The following ADAMTS20 variants were observed in gnomAD, a reference collection of about 807,000 sequenced individuals.
The protein encoded by ADAMTS20 is ADAM metallopeptidase with thrombospondin type 1 motif 20, also known as A disintegrin and metalloproteinase with thrombospondin motifs 20.
A neutral mutation model predicts 260.1 loss-of-function variants in ADAMTS20; 225 were observed. The ratio of observed to expected loss-of-function variants is 0.87; its 90% CI spans 0.78 to 0.97. ADAMTS20 has a LOEUF of 0.97. Ranked by LOEUF, ADAMTS20 falls within the 50% of genes least tolerant of loss-of-function variation. The probability of loss-of-function intolerance (pLI) is 0.00; values close to 1 mark genes in which losing one functional copy is unlikely to be tolerated. For missense variants in ADAMTS20, 2,400 were observed against 2,337.7 expected (o/e 1.03, Z -0.55); for synonymous variants, 802 against 769.5 (o/e 1.04, Z -0.70).
rs372886547 is a variant in ADAMTS20, at chr12:43,471,392, G to T, written c.1118-2687C>A. 1.2e-4 allele frequency among the ~76,000 whole-genome samples: 15 copies of T among 124,018 alleles called. No individual in the cohort carries two copies. The East Asian group carries it at 3.7e-3, about 31-fold the overall frequency. 81.4% of individuals were successfully genotyped at this position (124,018 alleles called of 152,430 possible). On this transcript the variant is annotated intron_variant, in intron 7 of 38. Transcript: ENST00000389420. ...GCAGTCTGAGATCAAACTGCAAGGC[G>T]GCAGCGAGGCTGGGGGAGGGGCGCC...
intron 7 of ADAMTS20, among the ~76,000 whole-genome samples, chr12:43,478,914 C>T (rs1162011365): frequency 6.6e-6 from 1 of 152,136 alleles, no homozygotes; most frequent in African/African-American, 2.4e-5. Context: ...GTACCCTGGG[C>T]ACCTCATACT....
At chr12:43,374,862 G>C (rs1940186672) in intron 36 of ADAMTS20, among the ~76,000 whole-genome samples, 1 of 152,078 alleles carries the variant, frequency 6.6e-6, no homozygotes, top group Non-Finnish European at 1.5e-5. Flanking sequence ...ACTTGTTACT[G>C]TCATTACATT....
chr12:43,377,743 A>G (rs1324512539), intron 31 of ADAMTS20, among the ~76,000 whole-genome samples, 181 bp from the exon 32 acceptor site: 6 of 152,134 alleles, frequency 3.9e-5, no homozygotes, highest in Admixed American at 3.3e-4. Flanking sequence ...GAGTTGTACC[A>G]ATAAAGGAAA....
chr12:43,551,639 T>A lies in ADAMTS20; in HGVS notation c.91+192A>T, dbSNP rs1943518871. 6.6e-6 allele frequency among the ~76,000 whole-genome samples: 1 copy of A among 152,012 alleles called. No homozygotes were observed. Among genetic ancestry groups the A allele is most frequent in the African/African-American group, 2.4e-5 (1 of 41,388 alleles). On this transcript the variant is annotated intron_variant, in intron 1 of 38. Transcript: ENST00000389420. The surrounding 1 kb of genome is among the most constrained non-coding windows in gnomAD (Gnocchi z 4.6). ...CGTGTGGTCCTGGGAGTGCGATGCGTCTTAGGCGCGCGCGATTCCTCGAAA... is the reference window on the plus strand; with the variant it reads ...CGTGTGGTCCTGGGAGTGCGATGCGACTTAGGCGCGCGCGATTCCTCGAAA...
At chr12:43,425,724 G>A (rs773003751) in intron 27 of ADAMTS20, 34 bp from the exon 28 acceptor site, 4 of 1,444,438 alleles carry the variant, frequency 2.8e-6, no homozygotes. Flanking sequence ...CAAAACTGTG[G>A]TTTTAAAGAG....
chr12:43,530,887 A>G (rs1234819426), intron 3 of ADAMTS20, among the ~76,000 whole-genome samples: 1 of 152,074 alleles, frequency 6.6e-6, no homozygotes, highest in Non-Finnish European at 1.5e-5. Flanking sequence ...ATAGAAAAAA[A>G]TGATGAAAAT....
chr12:43,414,962 C>T (rs1941101647), intron 28 of ADAMTS20, among the ~76,000 whole-genome samples: 1 of 152,084 alleles, frequency 6.6e-6, no homozygotes, highest in Non-Finnish European at 1.5e-5. Context: ...TAATACAAAT[C>T]ATATTAATTC....
At chr12:43,382,759 G>C (rs1318765234) in intron 31 of ADAMTS20, among the ~76,000 whole-genome samples, 1 of 152,030 alleles carries the variant, frequency 6.6e-6, no homozygotes, top group East Asian at 1.9e-4. Flanking sequence ...AAAATGTTAA[G>C]TAGAGATATG....
intron 27 of ADAMTS20, among the ~76,000 whole-genome samples, chr12:43,426,841 T>C (rs1440471146): frequency 6.6e-6 from 1 of 152,098 alleles, no homozygotes; most frequent in East Asian, 1.9e-4. Context: ...TGCTGAAAAA[T>C]CTAGAATATG....
intron 11 of ADAMTS20, among the ~76,000 whole-genome samples, chr12:43,458,932 C>T (rs1241238829): frequency 6.6e-6 from 1 of 152,096 alleles, no homozygotes; most frequent in Admixed American, 6.6e-5. Flanking sequence ...AGAGAGCTCA[C>T]TAAAATGCTA....
intron 16 of ADAMTS20, among the ~76,000 whole-genome samples, chr12:43,440,356 C>T (rs1401206285): frequency 2.0e-5 from 3 of 152,086 alleles, no homozygotes; most frequent in Admixed American, 2.0e-4. Flanking sequence ...GCCATGTTGG[C>T]CAGGCTGGTC....
chr12:43,390,637 T>G (rs1356663930), intron 29 of ADAMTS20, among the ~76,000 whole-genome samples: 1 of 152,208 alleles, frequency 6.6e-6, no homozygotes, highest in Non-Finnish European at 1.5e-5. Flanking sequence ...TGTTTTTTTG[T>G]TTGTTTTTTG....
At position 43,389,319 on chromosome 12, in the gene ADAMTS20, A is replaced by T. The variant is rs535393858; in HGVS notation, c.4453-5342T>A. 5.3e-5 allele frequency among the ~76,000 whole-genome samples: 8 copies of T among 152,380 alleles called. No homozygotes were observed. The South Asian group carries it at 1.0e-3, about 20-fold the overall frequency. The stretch of plus-strand genomic sequence containing the variant: ...TGTGCTTACACAACACAATGGTGGT[A>T]CAGGCAAGCCATAGGGTAGACATTC... On this transcript the variant is annotated intron_variant, in intron 29 of 38. Coordinates refer to ENST00000389420, the MANE Select transcript of ADAMTS20 (RefSeq NM_025003.5).
At position 43,428,715 on chromosome 12, in the gene ADAMTS20, A is replaced by G. The variant is rs1286735442; in HGVS notation, c.3574T>C (p.Cys1192Arg). The G allele has an allele frequency of 1.2e-6, 2 of 1,612,930 alleles. No homozygotes were observed. Among genetic ancestry groups the G allele is most frequent in the Admixed American group, 3.3e-5 (2 of 59,958 alleles). The change falls in exon 25 of 39, where the codon TGT becomes CGT. Residue 1192 changes from cysteine to arginine, a missense_variant. Physicochemically the swap from Cys to Arg is radical, Grantham distance 180. Coordinates refer to ENST00000389420, the MANE Select transcript of ADAMTS20 (RefSeq NM_025003.5). ...ALDRIADESY[C>R]AHLPRPAEIW... Reference sequence around the variant, plus strand: ...TCAGCAGGTCGGGGTAAGTGGGCACAATATGATTCATCTGCTATTCTATCA... The same window carrying G: ...TCAGCAGGTCGGGGTAAGTGGGCACGATATGATTCATCTGCTATTCTATCA...
intron 3 of ADAMTS20, among the ~76,000 whole-genome samples, chr12:43,513,476 A>G (rs752917534): frequency 1.3e-5 from 2 of 152,162 alleles, no homozygotes; most frequent in Non-Finnish European, 2.9e-5. Flanking sequence ...AGCTTTTGGC[A>G]TCTTAACGTC....
chr12:43,392,230 G>T (rs1347496232), intron 29 of ADAMTS20, among the ~76,000 whole-genome samples: 1 of 151,984 alleles, frequency 6.6e-6, no homozygotes, highest in African/African-American at 2.4e-5. Context: ...ATAAAATAAA[G>T]CTCCTGAAAA....
At position 43,532,181 on chromosome 12, in the gene ADAMTS20, T is replaced by C. The variant is rs763161155; in HGVS notation, c.468A>G (p.Lys156=). The C allele has an allele frequency of 3.8e-6, 6 of 1,595,926 alleles. No individual in the cohort carries two copies. Among genetic ancestry groups the C allele is most frequent in the Admixed American group, 1.8e-5 (1 of 55,930 alleles). Reference sequence around the variant, plus strand: ...CTAAGAAATATTCACCGTTCTGTCCTTTAAATGTTCCCGTCTGAAAATAAA... The same window carrying C: ...CTAAGAAATATTCACCGTTCTGTCCCTTAAATGTTCCCGTCTGAAAATAAA... ...SLCGGLTGTF[K]GQNGEYFLEP... The change falls in exon 3 of 39, where the codon AAA becomes AAG. Residue 156 remains lysine (K), a synonymous_variant. Coordinates refer to ENST00000389420, the MANE Select transcript of ADAMTS20 (RefSeq NM_025003.5).
At chr12:43,548,041 G>A (rs903695866) in intron 2 of ADAMTS20, among the ~76,000 whole-genome samples, 2 of 152,080 alleles carry the variant, frequency 1.3e-5, no homozygotes, top group African/African-American at 2.4e-5. Context: ...TCTATCAATG[G>A]TCAATGAATT....
chr12:43,445,426 A>G (rs1941741777), intron 15 of ADAMTS20, among the ~76,000 whole-genome samples: 1 of 152,216 alleles, frequency 6.6e-6, no homozygotes, highest in Admixed American at 6.5e-5. Flanking sequence ...ATATCAGAGT[A>G]TAAAATGTAC....
Sources: allele counts gnomAD v4.1 joint callset (sites outside exome capture counted in the v4.1 genomes callset), GRCh38; gene constraint gnomAD v4.1.1; non-coding constraint Gnocchi (gnomAD v3.1); transcripts MANE v1.5; gene names NCBI Gene and HGNC (gene_info 2026-07-23, HGNC 2026-07-21).